ATXN1: variants seen among roughly 807,000 people sequenced by gnomAD.
ATXN1 encodes ataxin-1.
In ATXN1, 8 loss-of-function variants were observed where a neutral mutation model predicts 56.4. The observed-to-expected ratio is 0.14, with a 90% confidence interval of 0.08 to 0.26. The LOEUF (loss-of-function observed/expected upper bound fraction) is 0.26, where lower values mean the gene tolerates loss of function less well. ATXN1 is among the 10% of genes least tolerant of loss of function. The probability of loss-of-function intolerance (pLI) is 1.00; values close to 1 mark genes in which losing one functional copy is unlikely to be tolerated. For synonymous variants in ATXN1, 514 were observed against 494.6 expected, an observed-to-expected ratio of 1.04 and a Z score of -0.52; for missense variants, 987 against 1,106.5, an observed-to-expected ratio of 0.89 and a Z score of 1.53.
chr6:16,341,785 C>T lies in ATXN1; in HGVS notation c.-160-13315G>A, dbSNP rs578112367. Among the ~76,000 whole-genome samples, 7 of 151,836 alleles carry T rather than the reference C, an allele frequency of 4.6e-5. No individual in the cohort carries two copies. In the East Asian group the frequency reaches 1.4e-3, roughly 30 times the overall value. On this transcript the variant is annotated intron_variant, in intron 6 of 7. Transcript: ENST00000436367. ...CTGCCTGCCTCGGCCTCCCAAAGTA[C>T]TGGGATTATAGGCGTGAGCCACCGC...
At chr6:16,496,100 T>C (rs1024979324) in intron 5 of ATXN1, among the ~76,000 whole-genome samples, 29 of 152,200 alleles carry the variant, frequency 1.9e-4, no homozygotes, top group Non-Finnish European at 2.5e-4. Flanking sequence ...CTCCATACTT[T>C]AAACTCCTTT....
chr6:16,420,193 AAC>A (rs528547935), intron 6 of ATXN1, among the ~76,000 whole-genome samples: 100 of 152,332 alleles, frequency 6.6e-4, no homozygotes, highest in African/African-American at 2.4e-3. Context: ...TGTTCTCCAT[AAC>A]GTGAGCTGCA....
chr6:16,468,819 G>A (rs1269475235), intron 6 of ATXN1, among the ~76,000 whole-genome samples: 1 of 151,700 alleles, frequency 6.6e-6, no homozygotes, highest in Non-Finnish European at 1.5e-5. Flanking sequence ...AGATGCTTGA[G>A]AATATACATT....
At chr6:16,406,239 TCA>T (rs1266278505) in intron 6 of ATXN1, among the ~76,000 whole-genome samples, 2 of 152,228 alleles carry the variant, frequency 1.3e-5, no homozygotes, top group African/African-American at 4.8e-5. Context: ...AACAGCATTC[TCA>T]GATTCCTTTC....
Position 16,506,211 on chromosome 6 carries a change from C to G in ATXN1, c.-299+16416G>C, listed in dbSNP as rs1012004031. ...TGGCCTTTTCGCTGGTGATTTATTT[C>G]CATTTGTTCACATGATGTGACTCAT... On this transcript the variant is annotated intron_variant, in intron 5 of 7. Transcript: ENST00000436367. This position sits in a 1 kb window ranked among gnomAD's most constrained non-coding sequence, Gnocchi z 4.1. Among the ~76,000 whole-genome samples, 21 of 152,168 alleles carry G rather than the reference C, an allele frequency of 1.4e-4. No homozygotes were observed. The highest frequency in any genetic ancestry group is 5.1e-4 in the African/African-American group (21 of 41,452).
chr6:16,471,898 C>A (rs566456357), intron 6 of ATXN1, among the ~76,000 whole-genome samples: 2 of 152,082 alleles, frequency 1.3e-5, no homozygotes, highest in South Asian at 4.1e-4. Flanking sequence ...AGTGACCACC[C>A]CCATGCATTA....
chr6:16,543,093 C>T (rs1014376878), intron 4 of ATXN1, among the ~76,000 whole-genome samples: 7 of 152,124 alleles, frequency 4.6e-5, no homozygotes, highest in African/African-American at 1.7e-4. Flanking sequence ...CATAAAATCA[C>T]AGCATGTCCA....
chr6:16,499,890 GT>G (rs1479448879), intron 5 of ATXN1, among the ~76,000 whole-genome samples: 2 of 152,178 alleles, frequency 1.3e-5, no homozygotes, highest in East Asian at 3.8e-4. Flanking sequence ...GCTACACATT[GT>G]GACCACCCAG....
chr6:16,327,176 G>A lies in ATXN1; in HGVS notation c.1135C>T (p.Arg379Trp), dbSNP rs1482070456. ...DYSSRDPSGV[R>W]ASVMVLPNSN... ...TTGGGCAGGACCATCACAGAGGCCC[G>A]GACCCCCGAAGGATCACGACTGCTG... Residue 379 changes from arginine (R) to tryptophan (W), a missense_variant, in exon 7 of 8, where the codon CGG (arginine) becomes TGG (tryptophan). Transcript: ENST00000436367. 5 of 1,613,744 alleles carry A rather than the reference G, an allele frequency of 3.1e-6. No homozygotes were observed. The highest frequency in any genetic ancestry group is 4.5e-5 in the East Asian group (2 of 44,898).
At chr6:16,722,737 A>C (rs1457128632) in intron 2 of ATXN1, among the ~76,000 whole-genome samples, 2 of 152,224 alleles carry the variant, frequency 1.3e-5, no homozygotes, top group Admixed American at 6.5e-5. Context: ...AAACACTATT[A>C]ATATTTCCTG....
Position 16,621,912 on chromosome 6 carries a change from T to C in ATXN1, c.-489+35864A>G, listed in dbSNP as rs532472128. Among the ~76,000 whole-genome samples the C allele has an allele frequency of 1.6e-4, 25 of 152,284 alleles. No individual in the cohort carries two copies. In the South Asian group the frequency reaches 5.2e-3, roughly 32 times the overall value. ...ATTCTAGCCTCCACCACCCACAAGC[T>C]GGGTAAATGTGGGCGAGTAGTTTAA... On this transcript the variant is annotated intron_variant, in intron 3 of 7. Transcript: ENST00000436367.
At chr6:16,346,866 G>A (rs1015207539) in intron 6 of ATXN1, among the ~76,000 whole-genome samples, 5 of 152,232 alleles carry the variant, frequency 3.3e-5, no homozygotes, top group Admixed American at 6.5e-5. Flanking sequence ...CCCTCAGCTT[G>A]CGCGGAGGTG....
chr6:16,334,316 A>C (rs1761063353), intron 6 of ATXN1, among the ~76,000 whole-genome samples: 1 of 152,224 alleles, frequency 6.6e-6, no homozygotes, highest in African/African-American at 2.4e-5. Flanking sequence ...AGCAGGGTTG[A>C]AGAGATCTGG....
chr6:16,376,204 T>C (rs1049149054), intron 6 of ATXN1, among the ~76,000 whole-genome samples: 3 of 152,242 alleles, frequency 2.0e-5, no homozygotes, highest in Non-Finnish European at 4.4e-5. Context: ...ATTTTCATGC[T>C]TCATTAGGAA....
chr6:16,455,593 A>G (rs897308961), intron 6 of ATXN1, among the ~76,000 whole-genome samples: 3 of 152,226 alleles, frequency 2.0e-5, no homozygotes, highest in Admixed American at 2.0e-4. Flanking sequence ...TAAAAACTTA[A>G]GTCCACACAA....
At chr6:16,606,867 T>TTGTG (rs759331296) in intron 3 of ATXN1, among the ~76,000 whole-genome samples, 3 of 126,712 alleles carry the variant, frequency 2.4e-5, no homozygotes, top group East Asian at 2.7e-4. Flanking sequence ...GTTCCATGAG[T>TTGTG]TGTGTGTGTG....
Position 16,504,951 on chromosome 6 carries a change from G to A in ATXN1, c.-299+17676C>T, listed in dbSNP as rs149539379. Among the ~76,000 whole-genome samples the A allele has an allele frequency of 5.4e-3, 810 of 150,874 alleles. 35 individuals carry two copies. Among genetic ancestry groups the A allele is most frequent in the Admixed American group, 0.047 (708 of 15,194 alleles). Reference sequence around the variant, plus strand: ...TGGTTCAGGCTCTAGAAAATAGCAAGAGCCCACCTCCTCCTCCTCCTGCAA... The same window carrying A: ...TGGTTCAGGCTCTAGAAAATAGCAAAAGCCCACCTCCTCCTCCTCCTGCAA... On this transcript the variant is annotated intron_variant, in intron 5 of 7. Coordinates refer to ENST00000436367, the MANE Select transcript of ATXN1 (RefSeq NM_001128164.2).
rs77913923 is a variant in ATXN1, at chr6:16,524,223, G to A, written c.-360-1535C>T. On this transcript the variant is annotated intron_variant, in intron 4 of 7. Transcript: ENST00000436367. Reference sequence around the variant, plus strand: ...GCACTCCTCCAAGTCCCACAGAGCAGCCCACAAGTGTTTAACATGACACTT... The same window carrying A: ...GCACTCCTCCAAGTCCCACAGAGCAACCCACAAGTGTTTAACATGACACTT... 1.4e-3 allele frequency among the ~76,000 whole-genome samples: 220 copies of A among 152,290 alleles called. 6 individuals are homozygous for A. The East Asian group carries it at 0.041, about 28-fold the overall frequency.
At chr6:16,510,345 C>T (rs1761060737) in intron 5 of ATXN1, among the ~76,000 whole-genome samples, 1 of 152,192 alleles carries the variant, frequency 6.6e-6, no homozygotes, top group Non-Finnish European at 1.5e-5. Flanking sequence ...AGCCACTCAT[C>T]TCATACTTGA....
Sources: allele counts gnomAD v4.1 joint callset (sites outside exome capture counted in the v4.1 genomes callset), GRCh38; gene constraint gnomAD v4.1.1; non-coding constraint Gnocchi (gnomAD v3.1); transcripts MANE v1.5; gene names NCBI Gene and HGNC (gene_info 2026-07-23, HGNC 2026-07-21).